Variants in ANKRD1 observed in about 807,000 individuals in gnomAD.
The protein encoded by ANKRD1 is ankyrin repeat domain 1.
In ANKRD1, 32 loss-of-function variants were observed where a neutral mutation model predicts 40.1. The ratio of observed to expected loss-of-function variants is 0.80; its 90% CI spans 0.60 to 1.07. The LOEUF (loss-of-function observed/expected upper bound fraction) is 1.07. Among genes scored for constraint, ANKRD1 ranks in the 50% least tolerant of loss-of-function variants. The probability of loss-of-function intolerance (pLI) is 0.00; values close to 1 mark genes in which losing one functional copy is unlikely to be tolerated. For missense variants in ANKRD1, 359 were observed against 386.0 expected (o/e 0.93, Z 0.59); for synonymous variants, 149 against 141.2 (o/e 1.06, Z -0.39).
At position 90,915,624 on chromosome 10, in the gene ANKRD1, C is replaced by T; in HGVS notation, c.768G>A (p.Leu256=). The change falls in exon 8 of 9, where the codon TTG becomes TTA. Residue 256 remains leucine, a synonymous_variant. Transcript: ENST00000371697. ...NAKDREGDTP[L]HDAVRLNRYK... The stretch of plus-strand genomic sequence containing the variant: ...AGCGGTTCAGTCTCACCGCATCATG[C>T]AACGGGGTATCTCCTTCCTAGAGAA... 1 of 1,614,026 alleles carries T rather than the reference C, an allele frequency of 6.2e-7. No homozygotes were observed.
rs1847327877 is a variant in ANKRD1 at position 90,912,644 on chromosome 10, C to CGTGGCAGTAAATAAATAAACAGGA, written c.*198_*221dup. On this transcript the variant is annotated 3_prime_UTR_variant, in exon 9 of 9. Coordinates refer to ENST00000371697, the MANE Select transcript of ANKRD1 (RefSeq NM_014391.3). ...ATCATGAAGGTCTGAATATCAGTAG[C>CGTGGCAGTAAATAAATAAACAGGA]GTGGCAGTAAATAAATAAACAGGAA... 2.1e-6 allele frequency: 1 copy of CGTGGCAGTAAATAAATAAACAGGA among 476,748 alleles called. No individual in the cohort carries two copies. Among genetic ancestry groups the CGTGGCAGTAAATAAATAAACAGGA allele is most frequent in the Admixed American group, 3.2e-5 (1 of 30,948 alleles). The allele number at this position is 476,748 out of a possible 1,614,324, so 29.5% of individuals were successfully genotyped here. A position where few individuals can be genotyped will look rare whatever the true frequency, so the allele number is the denominator to read the frequency against.
In ANKRD1 at chr10:90,918,939, C is replaced by T; in HGVS notation, c.379G>A (p.Ala127Thr). 6.2e-7 allele frequency: 1 copy of T among 1,609,816 alleles called. No homozygotes were observed. The highest frequency in any genetic ancestry group is 1.1e-5 in the South Asian group (1 of 90,964). ...EPVDVPTFLKAALENKLPVVE... is the reference protein window; with the variant it reads ...EPVDVPTFLKTALENKLPVVE... The stretch of plus-strand genomic sequence containing the variant: ...ACTGGCAGTTTATTCTCCAGAGCAG[C>T]CTTCAGAAACGTAGGCACATCCACA... Residue 127 changes from alanine (A) to threonine (T), a missense_variant, in exon 4 of 9, where the codon GCT (alanine) becomes ACT (threonine). Physicochemically the swap from Ala to Thr is moderately conservative, Grantham distance 58 (BLOSUM62 0). Transcript: ENST00000371697.
chr10:90,917,878 G>C, intron 4 of ANKRD1, 48 bp from the exon 5 acceptor site: 2 of 1,487,780 alleles, frequency 1.3e-6, no homozygotes, highest in Non-Finnish European at 1.9e-6. Context: ...ATATAAAAAT[G>C]TGTGTAAACC....
chr10:90,916,060 G>A (rs1232316809), intron 6 of ANKRD1, 111 bp downstream of exon 6: 4 of 636,032 alleles, frequency 6.3e-6, no homozygotes, highest in Non-Finnish European at 1.1e-5. Flanking sequence ...GGAGGGAAGG[G>A]CGGGTGGGGG....
At position 90,920,321 on chromosome 10, in the gene ANKRD1, C is replaced by G. The variant is rs886047480; in HGVS notation, c.55G>C (p.Glu19Gln). The change falls in exon 2 of 9, where the codon GAG (glutamate) becomes CAG (glutamine). Residue 19 changes from glutamate (E) to glutamine (Q), a missense_variant. Coordinates refer to ENST00000371697, the MANE Select transcript of ANKRD1 (RefSeq NM_014391.3). The part of the protein sequence containing the change: ...LVTGKKNGNG[E>Q]AGEFLPEDFR... ...TCCTCAGGAAGGAATTCCCCTGCCT[C>G]CCCATTGCCATTCTTCTTTCCAGTG... 1 of 1,614,188 alleles carries G rather than the reference C, an allele frequency of 6.2e-7. No individual in the cohort carries two copies. Among genetic ancestry groups the G allele is most frequent in the Non-Finnish European group, 8.5e-7 (1 of 1,180,020 alleles).
intron 1 of ANKRD1, among the ~76,000 whole-genome samples, chr10:90,920,763 C>T (rs1383323272): frequency 1.3e-5 from 2 of 152,130 alleles, no homozygotes; most frequent in Non-Finnish European, 2.9e-5. Flanking sequence ...CGTGATTCCA[C>T]ACTGTAGTAA....
intron 3 of ANKRD1, 79 bp downstream of exon 3, chr10:90,919,052 C>T: frequency 6.3e-7 from 1 of 1,592,414 alleles, no homozygotes; most frequent in South Asian, 1.1e-5. Context: ...AGCATTCAAT[C>T]AAACCCTCCA....
rs71025330 is a variant in ANKRD1 at position 90,912,291 on chromosome 10, T to TAAAAAAAAAAAAAAAAAAAAAAAAAAAA, written c.*547_*574dup. The TAAAAAAAAAAAAAAAAAAAAAAAAAAAA allele has an allele frequency of 7.1e-5, 5 of 70,630 alleles. 1 individual carries two copies. Among genetic ancestry groups the TAAAAAAAAAAAAAAAAAAAAAAAAAAAA allele is most frequent in the Non-Finnish European group, 1.1e-4 (4 of 35,238 alleles). 4.4% of individuals were successfully genotyped at this position (70,630 alleles called of 1,614,324 possible). A position where few individuals can be genotyped will look rare whatever the true frequency, so the allele number is the denominator to read the frequency against. On this transcript the variant is annotated 3_prime_UTR_variant, in exon 9 of 9. Coordinates refer to ENST00000371697, the MANE Select transcript of ANKRD1 (RefSeq NM_014391.3). ...TCACTTGGGTACTCTGTGTACTCGG[T>TAAAAAAAAAAAAAAAAAAAAAAAAAAAA]AAAAAAAAAAAAAAAAAAAAAAAAA...
In ANKRD1 at chr10:90,919,253, GT is replaced by G; in HGVS notation, c.222del (p.Lys74AsnfsTer2). ...KQREAELKKK[K>X]LEQRSKLENL... ...TTTTCAAGCTTTGATCTTTGTTCTA[GT>G]TTTTTCTTTTTGAGCTAAAAAAGAA... On this transcript the variant is annotated frameshift_variant, in exon 3 of 9. Coordinates refer to ENST00000371697, the MANE Select transcript of ANKRD1 (RefSeq NM_014391.3). LOFTEE classifies it high-confidence loss of function. The G allele has an allele frequency of 1.9e-6, 3 of 1,605,998 alleles. No homozygotes were observed. Among genetic ancestry groups the G allele is most frequent in the Non-Finnish European group, 2.5e-6 (3 of 1,177,404 alleles).
chr10:90,916,603 A>G (rs960521689), intron 5 of ANKRD1, among the ~76,000 whole-genome samples: 1 of 152,208 alleles, frequency 6.6e-6, no homozygotes, highest in South Asian at 2.1e-4. Flanking sequence ...AGGTGTTGCT[A>G]TGCACATTTT....
intron 8 of ANKRD1, among the ~76,000 whole-genome samples, chr10:90,913,244 A>T (rs1217151117): frequency 6.6e-6 from 1 of 152,202 alleles, no homozygotes; most frequent in East Asian, 1.9e-4. Context: ...ACTATGTGTC[A>T]AGAGCACCTC....
intron 7 of ANKRD1, 22 bp from the exon 8 acceptor site, chr10:90,915,663 G>T: frequency 6.2e-7 from 1 of 1,611,958 alleles, no homozygotes; most frequent in Non-Finnish European, 8.5e-7. Context: ...GAGTCAACAG[G>T]TTCAAGGTGG....
At chr10:90,915,507 A>G (rs773191116) in intron 8 of ANKRD1, 36 bp downstream of exon 8, 12 of 1,581,684 alleles carry the variant, frequency 7.6e-6, no homozygotes, top group Middle Eastern at 1.7e-4. Flanking sequence ...GAAATTGGAA[A>G]GCTTGCAAGC....
rs746944442 is a variant in ANKRD1 at position 90,915,827 on chromosome 10, C to G, written c.705G>C (p.Ala235=). 1.2e-6 allele frequency: 2 copies of G among 1,613,554 alleles called. No homozygotes were observed. The highest frequency in any genetic ancestry group is 1.3e-5 in the African/African-American group (1 of 74,742). Residue 235 remains alanine, a synonymous_variant, in exon 7 of 9, where the codon GCG becomes GCC. Coordinates refer to ENST00000371697, the MANE Select transcript of ANKRD1 (RefSeq NM_014391.3). ...CTGCCTCACAGGCGATAAGATGCTC[C>G]GCGCACTCATAGTGGCCAGTCCTCA... is the stretch of plus-strand genomic sequence containing the variant. The part of the protein sequence containing the change: ...VAVRTGHYEC[A]EHLIACEADL...
In ANKRD1 at chr10:90,919,126, C is replaced by G; in HGVS notation, c.345+5G>C. ...ATTACTGGAAACCAAAAAAAAAGCC[C>G]TTACAATGATTTCAGGTTCTGGTTC... On this transcript the variant is annotated splice_donor_5th_base_variant and intron_variant, in intron 3 of 8. Transcript: ENST00000371697. 6.2e-7 allele frequency: 1 copy of G among 1,613,002 alleles called. No homozygotes were observed. The highest frequency in any genetic ancestry group is 2.2e-5 in the East Asian group (1 of 44,790).
At chr10:90,919,014 A>ATATATATATATATATG (rs753813796) in intron 3 of ANKRD1, 42 bp from the exon 4 acceptor site, 12 of 1,459,300 alleles carry the variant, frequency 8.2e-6, no homozygotes, top group South Asian at 1.2e-5. Context: ...ATATATATAT[A>ATATATATATATATATG]TAGCATGAGA....
At chr10:90,914,028 G>A (rs1025488253) in intron 8 of ANKRD1, among the ~76,000 whole-genome samples, 2 of 152,152 alleles carry the variant, frequency 1.3e-5, no homozygotes, top group African/African-American at 2.4e-5. Context: ...GTCAGATTAT[G>A]AGATCTGTAG....
intron 8 of ANKRD1, among the ~76,000 whole-genome samples, chr10:90,913,382 G>C (rs1589507826): frequency 6.6e-6 from 1 of 152,320 alleles, no homozygotes; most frequent in East Asian, 1.9e-4. Flanking sequence ...ATAGTTCTTT[G>C]ATTGATAAGA....
rs776158687 is a variant in ANKRD1 at position 90,915,835 on chromosome 10, C to G, written c.697G>C (p.Glu233Gln). The G allele has an allele frequency of 7.4e-6, 12 of 1,613,668 alleles. No individual in the cohort carries two copies. In the East Asian group the frequency reaches 1.1e-4, roughly 15 times the overall value. ...CAGGCGATAAGATGCTCCGCGCACT[C>G]ATAGTGGCCAGTCCTCACCGCCACA... ...LHVAVRTGHY[E>Q]CAEHLIACEA... The change falls in exon 7 of 9, where the codon GAG becomes CAG. Residue 233 changes from glutamate (E) to glutamine (Q), a missense_variant. Coordinates refer to ENST00000371697, the MANE Select transcript of ANKRD1 (RefSeq NM_014391.3).
Sources: allele counts gnomAD v4.1 joint callset (sites outside exome capture counted in the v4.1 genomes callset), GRCh38; gene constraint gnomAD v4.1.1; transcripts MANE v1.5; gene names NCBI Gene and HGNC (gene_info 2026-07-23, HGNC 2026-07-21).